The following ZNF385B variants were observed in gnomAD, a reference collection of about 807,000 sequenced individuals.
ZNF385B encodes the protein zinc finger protein 533.
Under a neutral mutation model 39.2 loss-of-function variants are expected in ZNF385B, and 23 were observed. The observed-to-expected ratio is 0.59, with a 90% CI of 0.42 to 0.83. ZNF385B has a LOEUF of 0.83. Among genes scored for constraint, ZNF385B ranks in the 40% least tolerant of loss-of-function variants. ZNF385B has a pLI of 0.00. For synonymous variants in ZNF385B, 205 were observed against 222.6 expected (o/e 0.92, Z 0.70); for missense variants, 552 against 598.9 (o/e 0.92, Z 0.82).
At chr2:179,577,931 T>G (rs1686026425) in intron 3 of ZNF385B, among the ~76,000 whole-genome samples, 1 of 152,120 alleles carries the variant, frequency 6.6e-6, no homozygotes, top group Non-Finnish European at 1.5e-5. Flanking sequence ...TATTAAGCAA[T>G]CAGTAAGTAT....
At chr2:179,710,018 C>T (rs946876098) in intron 3 of ZNF385B, among the ~76,000 whole-genome samples, 1 of 152,280 alleles carries the variant, frequency 6.6e-6, no homozygotes, top group East Asian at 1.9e-4. Context: ...GATGGAGGCC[C>T]TGGATATTCA....
intron 3 of ZNF385B, among the ~76,000 whole-genome samples, chr2:179,728,323 C>T (rs1701153131): frequency 1.3e-5 from 2 of 152,086 alleles, no homozygotes; most frequent in Admixed American, 6.5e-5. Context: ...TAGAATTTTC[C>T]AGCAAAAGTG....
intron 3 of ZNF385B, among the ~76,000 whole-genome samples, chr2:179,611,355 G>A (rs1282482760): frequency 6.6e-6 from 1 of 152,102 alleles, no homozygotes; most frequent in East Asian, 1.9e-4. Flanking sequence ...TGATTGATTT[G>A]CGTATGTTAA....
intron 1 of ZNF385B, among the ~76,000 whole-genome samples, chr2:179,825,743 G>T (rs1403439682): frequency 6.6e-6 from 1 of 152,154 alleles, no homozygotes; most frequent in Non-Finnish European, 1.5e-5. Flanking sequence ...TTACAGTGTT[G>T]TCAAGTCTTG....
intron 3 of ZNF385B, chr2:179,745,921 A>G: frequency 8.0e-7 from 1 of 1,243,558 alleles, no homozygotes; most frequent in Admixed American, 4.1e-5. Flanking sequence ...TGCACTGCTC[A>G]TTGAAAATCC....
At chr2:179,848,494 A>C (rs1708915653) in intron 1 of ZNF385B, among the ~76,000 whole-genome samples, 1 of 152,174 alleles carries the variant, frequency 6.6e-6, no homozygotes, top group Admixed American at 6.5e-5. Context: ...GAACTTCATA[A>C]ATTTTTATAA....
chr2:179,622,733 G>C (rs938275296), intron 3 of ZNF385B, among the ~76,000 whole-genome samples: 2 of 152,152 alleles, frequency 1.3e-5, no homozygotes, highest in African/African-American at 4.8e-5. Context: ...ATTGGAGTGT[G>C]GTCTGGCATG....
intron 3 of ZNF385B, among the ~76,000 whole-genome samples, chr2:179,571,845 A>G (rs569751895): frequency 6.6e-6 from 1 of 152,150 alleles, no homozygotes; most frequent in Admixed American, 6.6e-5. Context: ...CCCAGTTCGT[A>G]GGCCAAAGGG....
At chr2:179,493,652 T>TATAC (rs1222688272) in intron 5 of ZNF385B, among the ~76,000 whole-genome samples, 34 of 134,652 alleles carry the variant, frequency 2.5e-4, no homozygotes, top group African/African-American at 9.3e-4. Flanking sequence ...CATATGCGTA[T>TATAC]ACATATATGT....
chr2:179,473,135 A>G (rs1251169777), intron 6 of ZNF385B, among the ~76,000 whole-genome samples: 1 of 152,218 alleles, frequency 6.6e-6, no homozygotes, highest in Admixed American at 6.5e-5. Flanking sequence ...GTGGAAGGAT[A>G]GAAAGACATC....
intron 3 of ZNF385B, among the ~76,000 whole-genome samples, chr2:179,693,775 T>C (rs1361505034): frequency 6.6e-6 from 1 of 152,174 alleles, no homozygotes; most frequent in Non-Finnish European, 1.5e-5. Context: ...ATTTGGTCCC[T>C]CCATCTCCTT....
At chr2:179,539,869 G>A (rs2059807223) in intron 4 of ZNF385B, among the ~76,000 whole-genome samples, 1 of 152,128 alleles carries the variant, frequency 6.6e-6, no homozygotes, top group Non-Finnish European at 1.5e-5. Flanking sequence ...GCTTTATCAA[G>A]TCTGTTTACT....
chr2:179,559,952 C>T lies in ZNF385B; in HGVS notation c.299-14983G>A, dbSNP rs142981375. Among the ~76,000 whole-genome samples, 183 of 152,256 alleles carry T rather than the reference C, an allele frequency of 1.2e-3. 2 individuals carry two copies. The highest frequency in any genetic ancestry group is 2.7e-3 in the Admixed American group (42 of 15,278). On this transcript the variant is annotated intron_variant, in intron 3 of 9. Coordinates refer to ENST00000410066, the MANE Select transcript of ZNF385B (RefSeq NM_152520.6). ...CCCCTCTCTCCCACAGTCTGACAGC[C>T]ACCTTTCTATTCTCTGTTTCTATAT...
At chr2:179,830,728 G>A (rs930923237) in intron 1 of ZNF385B, among the ~76,000 whole-genome samples, 2 of 152,116 alleles carry the variant, frequency 1.3e-5, no homozygotes, top group African/African-American at 4.8e-5. Context: ...ATGAATAGGT[G>A]GAACATGGGA....
chr2:179,686,146 T>C (rs76362760), intron 3 of ZNF385B, among the ~76,000 whole-genome samples: 6,410 of 152,310 alleles, frequency 0.042, 181 homozygotes, highest in Middle Eastern at 0.058. Context: ...TATAAACATA[T>C]TTCCCTCCCT....
At chr2:179,670,684 C>A (rs767677253) in intron 3 of ZNF385B, among the ~76,000 whole-genome samples, 2 of 152,148 alleles carry the variant, frequency 1.3e-5, no homozygotes, top group Non-Finnish European at 2.9e-5. Flanking sequence ...CGTTTAATCA[C>A]GGAGTTTTCT....
chr2:179,604,129 C>G (rs907470354), intron 3 of ZNF385B, among the ~76,000 whole-genome samples: 1 of 152,032 alleles, frequency 6.6e-6, no homozygotes, highest in Admixed American at 6.6e-5. Flanking sequence ...AATTTGTGAC[C>G]AGTTTTAAAG....
At chr2:179,681,080 G>GTTT (rs11371583) in intron 3 of ZNF385B, among the ~76,000 whole-genome samples, 5 of 139,076 alleles carry the variant, frequency 3.6e-5, no homozygotes, top group African/African-American at 2.6e-5. Flanking sequence ...TTAAACAACT[G>GTTT]TTTTTTTTTT....
intron 1 of ZNF385B, among the ~76,000 whole-genome samples, chr2:179,776,367 GA>G (rs1473745385): frequency 1.3e-5 from 2 of 152,164 alleles, no homozygotes; most frequent in African/African-American, 4.8e-5. Flanking sequence ...TCCTGCTGTG[GA>G]AGGGTAAGCT....
Sources: allele counts gnomAD v4.1 joint callset (sites outside exome capture counted in the v4.1 genomes callset), GRCh38; gene constraint gnomAD v4.1.1; transcripts MANE v1.5; gene names NCBI Gene and HGNC (gene_info 2026-07-23, HGNC 2026-07-21).